The following SLC16A12 variants were observed in gnomAD, a reference collection of about 807,000 sequenced individuals.
SLC16A12 encodes solute carrier family 16 member 12, also known as monocarboxylate transporter 12.
Under a neutral mutation model 42.4 loss-of-function variants are expected in SLC16A12, and 17 were observed. The observed-to-expected ratio is 0.40, with a 90% CI of 0.27 to 0.60. SLC16A12 has a LOEUF of 0.60. Ranked by LOEUF, SLC16A12 falls within the 20% of genes least tolerant of loss-of-function variation. The probability of loss-of-function intolerance (pLI) is 0.42; values close to 1 mark genes in which losing one functional copy is unlikely to be tolerated. For synonymous variants in SLC16A12, 224 were observed against 229.4 expected, an observed-to-expected ratio of 0.98 and a Z score of 0.21; for missense variants, 544 against 623.0, an observed-to-expected ratio of 0.87 and a Z score of 1.35.
At chr10:89,495,270 C>T (rs967830361) in intron 2 of SLC16A12, among the ~76,000 whole-genome samples, 3 of 152,110 alleles carry the variant, frequency 2.0e-5, no homozygotes, top group African/African-American at 7.2e-5. Flanking sequence ...AGGAGAATTG[C>T]TTGAACCTAG....
intron 2 of SLC16A12, among the ~76,000 whole-genome samples, chr10:89,508,370 A>G (rs1004219412): frequency 6.6e-6 from 1 of 152,226 alleles, no homozygotes; most frequent in East Asian, 1.9e-4. Context: ...AAATCACAAT[A>G]AACTGTTTCT....
At chr10:89,534,938 C>A (rs1178149542) in intron 1 of SLC16A12, among the ~76,000 whole-genome samples, 1 of 152,086 alleles carries the variant, frequency 6.6e-6, no homozygotes, top group Non-Finnish European at 1.5e-5. Context: ...TTGTTACGAA[C>A]GCTTTTCCGA....
At chr10:89,439,313 A>G in intron 5 of SLC16A12, 130 bp from the exon 6 acceptor site, 2 of 888,860 alleles carry the variant, frequency 2.3e-6, no homozygotes, top group South Asian at 3.5e-5. Flanking sequence ...TTTTACACCA[A>G]GCTTAAAATG....
intron 3 of SLC16A12, among the ~76,000 whole-genome samples, chr10:89,457,065 G>T (rs1466911929): frequency 2.0e-5 from 3 of 151,856 alleles, no homozygotes; most frequent in Non-Finnish European, 2.9e-5. Flanking sequence ...TATTCCTTTG[G>T]GTATATACCC....
intron 2 of SLC16A12, among the ~76,000 whole-genome samples, chr10:89,526,331 C>T (rs2133862687): frequency 6.6e-6 from 1 of 152,250 alleles, no homozygotes; most frequent in Middle Eastern, 3.4e-3. Context: ...CCCATCTCAC[C>T]CCTCTCTAGA....
chr10:89,451,537 G>T (rs568655678), intron 3 of SLC16A12, among the ~76,000 whole-genome samples: 1 of 151,840 alleles, frequency 6.6e-6, no homozygotes, highest in South Asian at 2.1e-4. Flanking sequence ...TCAGCCTCCC[G>T]AGTAGCTGGG....
chr10:89,530,670 C>T (rs998707732), intron 2 of SLC16A12, among the ~76,000 whole-genome samples: 3 of 152,136 alleles, frequency 2.0e-5, no homozygotes, highest in African/African-American at 7.2e-5. Flanking sequence ...TTGCCCGCCC[C>T]GGCCTCCCAA....
chr10:89,554,867 C>T (rs1445152572), intron 2 of SLC16A12, among the ~76,000 whole-genome samples: 3 of 152,192 alleles, frequency 2.0e-5, no homozygotes, highest in African/African-American at 7.2e-5. Context: ...TAGATAATGT[C>T]TAAGTCCCCT....
intron 2 of SLC16A12, among the ~76,000 whole-genome samples, chr10:89,501,895 A>G (rs534812266): frequency 5.0e-4 from 76 of 152,302 alleles, no homozygotes; most frequent in African/African-American, 1.7e-3. Flanking sequence ...ACACTTGCCT[A>G]TGTTATTTCA....
At chr10:89,475,764 A>C (rs1842568231) in intron 2 of SLC16A12, among the ~76,000 whole-genome samples, 1 of 152,214 alleles carries the variant, frequency 6.6e-6, no homozygotes, top group African/African-American at 2.4e-5. Flanking sequence ...CTTTGAGGAC[A>C]GGAACACTTT....
At chr10:89,459,516 A>ATGTGTGTGTGTGTGTGTG (rs58259835) in intron 3 of SLC16A12, among the ~76,000 whole-genome samples, 16,956 of 149,568 alleles carry the variant, frequency 0.11, 1,282 homozygotes, top group Non-Finnish European at 0.17. Flanking sequence ...TTCTGTGTTT[A>ATGTGTGTGTGTGTGTGTG]TGTGTGTGTG....
intron 2 of SLC16A12, among the ~76,000 whole-genome samples, chr10:89,544,165 C>T (rs1843730865): frequency 6.6e-6 from 1 of 152,236 alleles, no homozygotes; most frequent in African/African-American, 2.4e-5. Context: ...GGCCCCACAC[C>T]TAACCCAATA....
At chr10:89,443,627 A>G (rs1841951960) in intron 4 of SLC16A12, 129 bp downstream of exon 4, 3 of 736,498 alleles carry the variant, frequency 4.1e-6, no homozygotes, top group African/African-American at 1.7e-5. Context: ...TTTATATTAT[A>G]TAGTCCTAGC....
intron 2 of SLC16A12, among the ~76,000 whole-genome samples, chr10:89,471,496 T>C (rs1842492803): frequency 6.6e-6 from 1 of 152,358 alleles, no homozygotes; most frequent in Admixed American, 6.5e-5. Flanking sequence ...AATATTACTA[T>C]GTGTTATGGA....
chr10:89,459,169 T>C (rs1051635243), intron 3 of SLC16A12, among the ~76,000 whole-genome samples: 3 of 152,216 alleles, frequency 2.0e-5, no homozygotes, highest in Non-Finnish European at 4.4e-5. Context: ...GTCTGAAGTG[T>C]GATTCTTAAG....
At chr10:89,439,633 A>G (rs1320753620) in intron 5 of SLC16A12, among the ~76,000 whole-genome samples, 2 of 152,208 alleles carry the variant, frequency 1.3e-5, no homozygotes, top group East Asian at 3.8e-4. Flanking sequence ...ATGTACAACT[A>G]TGAAAATTCC....
chr10:89,464,241 C>T (rs1461492397), intron 2 of SLC16A12, among the ~76,000 whole-genome samples: 2 of 152,104 alleles, frequency 1.3e-5, no homozygotes, highest in East Asian at 3.9e-4. Context: ...CAGATTTTCC[C>T]CTAAATTGAG....
intron 2 of SLC16A12, among the ~76,000 whole-genome samples, chr10:89,514,231 G>A (rs1400437674): frequency 6.6e-6 from 1 of 152,228 alleles, no homozygotes; most frequent in African/African-American, 2.4e-5. Flanking sequence ...GATTAGGAAG[G>A]GTTAGGAAAA....
intron 2 of SLC16A12, among the ~76,000 whole-genome samples, chr10:89,515,228 T>A (rs1015549422): frequency 6.6e-6 from 1 of 152,214 alleles, no homozygotes; most frequent in African/African-American, 2.4e-5. Flanking sequence ...AGACCACTTC[T>A]GTAATACATA....
Sources: allele counts gnomAD v4.1 joint callset (sites outside exome capture counted in the v4.1 genomes callset), GRCh38; gene constraint gnomAD v4.1.1; transcripts MANE v1.5; gene names NCBI Gene and HGNC (gene_info 2026-07-23, HGNC 2026-07-21).